The following CSPG4 variants were observed in gnomAD, a reference collection of about 807,000 sequenced individuals.
CSPG4 encodes chondroitin sulfate proteoglycan 4 (melanoma-associated).
Under a neutral mutation model 139.3 loss-of-function variants are expected in CSPG4, and 74 were observed. That is an observed-to-expected ratio of 0.53 (90% CI 0.44 to 0.64). The LOEUF is 0.64. Ranked by LOEUF, CSPG4 falls within the 30% of genes least tolerant of loss-of-function variation. CSPG4 has a pLI of 0.00. For synonymous variants in CSPG4, 1,234 were observed against 1,394.2 expected, an observed-to-expected ratio of 0.89 and a Z score of 2.56; for missense variants, 2,565 against 3,148.3, an observed-to-expected ratio of 0.81 and a Z score of 4.43.
At chr15:75,697,644 C>T (rs1596011808) in intron 1 of CSPG4, among the ~76,000 whole-genome samples, 2 of 152,188 alleles carry the variant, frequency 1.3e-5, no homozygotes, top group Non-Finnish European at 2.9e-5. Flanking sequence ...AGCCAGGCTG[C>T]GTCATGGGAG....
Position 75,687,469 on chromosome 15 carries a change from T to C in CSPG4, c.3596A>G (p.Tyr1199Cys), listed in dbSNP as rs775349038. Residue 1199 changes from tyrosine to cysteine, a missense_variant, in exon 3 of 10, where the codon TAT (tyrosine) becomes TGT (cysteine). Coordinates refer to ENST00000308508, the MANE Select transcript of CSPG4 (RefSeq NM_001897.5). This position sits in a 1 kb window ranked among gnomAD's most constrained non-coding sequence, Gnocchi z 5.4. ...QQDLLDGAVLYSHNGSLSPRD... is the reference protein window; with the variant it reads ...QQDLLDGAVLCSHNGSLSPRD... ...GGGGCTGAGGCTGCCATTGTGGCTA[T>C]AGAGAACGGCCCCATCCAGCAGGTC... The C allele has an allele frequency of 3.7e-6, 6 of 1,612,450 alleles. No homozygotes were observed. Among genetic ancestry groups the C allele is most frequent in the South Asian group, 1.1e-5 (1 of 91,026 alleles).
At chr15:75,684,261 G>A (rs1354937613) in intron 5 of CSPG4, among the ~76,000 whole-genome samples, 2 of 152,252 alleles carry the variant, frequency 1.3e-5, no homozygotes, top group African/African-American at 4.8e-5. Flanking sequence ...GCAGAGTGGG[G>A]CCCTTACCTC....
chr15:75,707,782 T>C (rs868132262), intron 1 of CSPG4, among the ~76,000 whole-genome samples: 34 of 152,276 alleles, frequency 2.2e-4, no homozygotes, highest in Middle Eastern at 3.4e-3. Flanking sequence ...TGGAGAGCCC[T>C]GGGGTGCGCT....
At chr15:75,701,533 G>A (rs1894300894) in intron 1 of CSPG4, among the ~76,000 whole-genome samples, 1 of 152,118 alleles carries the variant, frequency 6.6e-6, no homozygotes, top group Non-Finnish European at 1.5e-5. Context: ...CCTGGAATAG[G>A]TTCCTGCCTA....
At chr15:75,686,166 A>G (rs776268084) in intron 3 of CSPG4, among the ~76,000 whole-genome samples, 1 of 152,142 alleles carries the variant, frequency 6.6e-6, no homozygotes, top group Non-Finnish European at 1.5e-5. Flanking sequence ...ACAGCTTGAG[A>G]TGCACTCCCT....
intron 3 of CSPG4, 80 bp from the exon 4 acceptor site, chr15:75,685,781 G>A (rs751384430): frequency 5.3e-5 from 77 of 1,441,668 alleles, no homozygotes; most frequent in Non-Finnish European, 6.9e-5. Flanking sequence ...CTAAGAAGCC[G>A]GAACAGGCTT....
chr15:75,705,026 T>G (rs1401920782), intron 1 of CSPG4, among the ~76,000 whole-genome samples: 1 of 152,150 alleles, frequency 6.6e-6, no homozygotes, highest in South Asian at 2.1e-4. Context: ...GCCTGCTCAT[T>G]CTCTTCTCCT....
intron 5 of CSPG4, among the ~76,000 whole-genome samples, chr15:75,684,010 C>T (rs367583305): frequency 2.6e-5 from 4 of 152,160 alleles, no homozygotes; most frequent in East Asian, 3.9e-4. Flanking sequence ...ACGGGCACAT[C>T]CTAGACCACC....
chr15:75,684,065 C>T (rs1196524923), intron 5 of CSPG4, among the ~76,000 whole-genome samples: 1 of 148,018 alleles, frequency 6.8e-6, no homozygotes, highest in East Asian at 2.1e-4. Flanking sequence ...ATGCCAGAGA[C>T]AGCCCAAGTC....
At chr15:75,702,178 G>A (rs1304320383) in intron 1 of CSPG4, among the ~76,000 whole-genome samples, 1 of 152,196 alleles carries the variant, frequency 6.6e-6, no homozygotes, top group Non-Finnish European at 1.5e-5. Flanking sequence ...GAAGGCCAGG[G>A]TGCCCTCAAC....
At chr15:75,694,410 TG>T (rs942360213) in intron 1 of CSPG4, among the ~76,000 whole-genome samples, 1 of 152,206 alleles carries the variant, frequency 6.6e-6, no homozygotes, top group Non-Finnish European at 1.5e-5. Context: ...TGTCCAGGGC[TG>T]GGGGGTAGAG....
In CSPG4 at chr15:75,674,807, G is replaced by A. The variant is rs1030829170; in HGVS notation, c.*743C>T. ...TGTTTAGCCCTTGGCCCATCAAGAT[G>A]GGGCCCTGGGAATGAACTGGCTGCA... On this transcript the variant is annotated 3_prime_UTR_variant, in exon 10 of 10. Coordinates refer to ENST00000308508, the MANE Select transcript of CSPG4 (RefSeq NM_001897.5). 5.0e-5 allele frequency: 20 copies of A among 398,522 alleles called. No homozygotes were observed. The highest frequency in any genetic ancestry group is 4.6e-4 in the East Asian group (13 of 28,082). 24.7% of individuals were successfully genotyped at this position (398,522 alleles called of 1,614,324 possible).
rs1460108655 is a variant in CSPG4, at chr15:75,689,078, T to G, written c.1987A>C (p.Ile663Leu). ...AACCCTGTGCTGCGGTGGATCTGTA[T>G]GGCCGGCCGGATGGCCACCACCTTC... The part of the protein sequence containing the change: ...TLKVVAIRPA[I>L]QIHRSTGLRL... Residue 663 changes from isoleucine to leucine, a missense_variant, in exon 3 of 10, where the codon ATA becomes CTA. This residue lies in a region of CSPG4 where 2,316 missense variants were observed against 2,818.2 expected (regional missense o/e 0.82). Transcript: ENST00000308508. 2 of 1,607,856 alleles carry G rather than the reference T, an allele frequency of 1.2e-6. No homozygotes were observed. Among genetic ancestry groups the G allele is most frequent in the South Asian group, 2.2e-5 (2 of 90,806 alleles).
At chr15:75,701,948 C>A (rs762742582) in intron 1 of CSPG4, among the ~76,000 whole-genome samples, 1 of 152,246 alleles carries the variant, frequency 6.6e-6, no homozygotes, top group Admixed American at 6.5e-5. Context: ...TTCCATCCAT[C>A]CAGTCCCCAA....
rs1333421307 is a variant in CSPG4, at chr15:75,682,889, G to A, written c.4602C>T (p.Phe1534=). The A allele has an allele frequency of 1.2e-6, 2 of 1,610,752 alleles. No homozygotes were observed. Among genetic ancestry groups the A allele is most frequent in the Non-Finnish European group, 1.7e-6 (2 of 1,179,590 alleles). ...RGAPGTEVRS[F]TQAQLDGGLV... ...GCCCGCCGTCCAGCTGGGCCTGCGT[G>A]AAGCTGCGCACCTCAGTGCCCGGCG... The change falls in exon 6 of 10, where the codon TTC becomes TTT. Residue 1534 remains phenylalanine (F), a synonymous_variant. Coordinates refer to ENST00000308508, the MANE Select transcript of CSPG4 (RefSeq NM_001897.5).
intron 2 of CSPG4, among the ~76,000 whole-genome samples, chr15:75,691,896 C>T (rs1305909601): frequency 1.3e-5 from 2 of 152,174 alleles, no homozygotes; most frequent in African/African-American, 2.4e-5. Context: ...CACCAGCCTG[C>T]ACCACGCTGG....
chr15:75,676,915 A>G lies in CSPG4; in HGVS notation c.5604T>C (p.Ile1868=). Residue 1868 remains isoleucine (I), a synonymous_variant, in exon 10 of 10, where the codon ATT becomes ATC. Transcript: ENST00000308508. ...VVDPDSAPGE[I]EYEVQRAPHN... is the part of the protein sequence containing the mutation. ...GGGGTGCCCGCTGGACCTCGTACTCAATCTCCCCAGGAGCTGAGTCTGGGT... is the reference window on the plus strand; with the variant it reads ...GGGGTGCCCGCTGGACCTCGTACTCGATCTCCCCAGGAGCTGAGTCTGGGT... 1.3e-6 allele frequency: 2 copies of G among 1,569,694 alleles called. No homozygotes were observed. The highest frequency in any genetic ancestry group is 2.3e-5 in the South Asian group (2 of 86,592).
intron 1 of CSPG4, among the ~76,000 whole-genome samples, chr15:75,694,506 A>G (rs906489520): frequency 1.6e-4 from 24 of 152,118 alleles, no homozygotes; most frequent in Admixed American, 5.2e-4. Context: ...CTTGATAGGG[A>G]TAATCCGGCA....
At position 75,676,475 on chromosome 15, in the gene CSPG4, G is replaced by A. The variant is rs1893894247; in HGVS notation, c.6044C>T (p.Thr2015Ile). The change falls in exon 10 of 10, where the codon ACC becomes ATC. Residue 2015 changes from threonine (T) to isoleucine (I), a missense_variant. Around this residue, in one of 5 missense-constraint regions of CSPG4, gnomAD observed 2,316 missense variants for 2,818.2 expected, o/e 0.82. Coordinates refer to ENST00000308508, the MANE Select transcript of CSPG4 (RefSeq NM_001897.5). ...GTGGTCATGAGAGGAGGAGAAGTTG[G>A]TGAAGGCAAAGACCACCTCGCCCTG... ...IDQGEVVFAF[T>I]NFSSSHDHFR... 6.2e-7 allele frequency: 1 copy of A among 1,613,902 alleles called. No individual in the cohort carries two copies. Among genetic ancestry groups the A allele is most frequent in the Non-Finnish European group, 8.5e-7 (1 of 1,180,036 alleles).
Sources: gnomAD v4.1 joint callset for allele counts (sites outside exome capture counted in the v4.1 genomes callset) on GRCh38, gnomAD v4.1.1 for gene constraint, gnomAD v4.1.1 regional missense constraint, Gnocchi (gnomAD v3.1) non-coding constraint, MANE v1.5 for transcripts, NCBI Gene and HGNC (gene_info 2026-07-23, HGNC 2026-07-21) for gene names.